Variants in CAV1 observed in about 807,000 individuals in gnomAD.
CAV1 encodes the protein caveolin-1.
CAV1 carries 10 observed loss-of-function variants against 16.5 expected under a neutral mutation model. That is an observed-to-expected ratio of 0.61 (90% CI 0.37 to 1.03). CAV1 has a LOEUF of 1.03. Ranked by LOEUF, CAV1 falls within the 50% of genes least tolerant of loss-of-function variation. The pLI is 0.01. For missense variants in CAV1, 212 were observed against 232.8 expected (o/e 0.91, Z 0.58); for synonymous variants, 76 against 85.1 (o/e 0.89, Z 0.59).
At chr7:116,528,687 T>A (rs1201506503) in intron 2 of CAV1, among the ~76,000 whole-genome samples, 1 of 152,180 alleles carries the variant, frequency 6.6e-6, no homozygotes, top group Non-Finnish European at 1.5e-5. Flanking sequence ...TCCTATTTTA[T>A]AAATATGTAT....
chr7:116,526,882 T>G, intron 2 of CAV1, 193 bp downstream of exon 2: 1 of 629,374 alleles, frequency 1.6e-6, no homozygotes, highest in Non-Finnish European at 2.9e-6. Context: ...TACATCTCCC[T>G]TCCCCCATCT....
rs748743147 is a variant in CAV1, at chr7:116,525,047, C to T, written c.-16C>T. 6.2e-7 allele frequency: 1 copy of T among 1,614,194 alleles called. No homozygotes were observed. The highest frequency in any genetic ancestry group is 8.5e-7 in the Non-Finnish European group (1 of 1,180,002). On this transcript the variant is annotated 5_prime_UTR_variant, in exon 1 of 3. Coordinates refer to ENST00000341049, the MANE Select transcript of CAV1 (RefSeq NM_001753.5). ...AGGGAAACCTCCTCACAGTTTTCAT[C>T]CAGCCACGGGCCAGCATGTCTGGGG...
At chr7:116,553,271 T>G (rs1794199554) in intron 2 of CAV1, among the ~76,000 whole-genome samples, 2 of 152,088 alleles carry the variant, frequency 1.3e-5, no homozygotes, top group African/African-American at 4.8e-5. Context: ...ATTTACTACA[T>G]CAGCCAAGTA....
At position 116,535,995 on chromosome 7, in the gene CAV1, TCTC is replaced by T. The variant is rs1362847461; in HGVS notation, c.195+9309_195+9311del. ...AAAAGCTGCATTCAGTGTATAAACT[TCTC>T]CTGATCCCAGCAAGGATGTTGTGAT... On this transcript the variant is annotated intron_variant, in intron 2 of 2. Coordinates refer to ENST00000341049, the MANE Select transcript of CAV1 (RefSeq NM_001753.5). Among the ~76,000 whole-genome samples the T allele has an allele frequency of 4.6e-5, 7 of 152,164 alleles. No individual in the cohort carries two copies. In the South Asian group the frequency reaches 1.5e-3, roughly 32 times the overall value.
chr7:116,528,509 C>T (rs1345384860), intron 2 of CAV1, among the ~76,000 whole-genome samples: 1 of 152,178 alleles, frequency 6.6e-6, no homozygotes, highest in Admixed American at 6.5e-5. Context: ...ACAAGACAGT[C>T]AAACCAAAAA....
chr7:116,525,398 A>T, intron 1 of CAV1: 3 of 1,492,186 alleles, frequency 2.0e-6, no homozygotes, highest in Middle Eastern at 3.5e-4. Context: ...GGATGGGTCT[A>T]GGATGCTCCC....
chr7:116,541,458 A>C (rs1470798346), intron 2 of CAV1, among the ~76,000 whole-genome samples: 2 of 152,308 alleles, frequency 1.3e-5, no homozygotes, highest in African/African-American at 2.4e-5. Flanking sequence ...TATTTAAAAA[A>C]GTGTTAGGTA....
intron 2 of CAV1, among the ~76,000 whole-genome samples, chr7:116,527,400 T>G (rs1168567793): frequency 6.6e-6 from 1 of 152,236 alleles, no homozygotes; most frequent in Non-Finnish European, 1.5e-5. Context: ...AGTAGCTACC[T>G]GGGTCAGCCT....
At chr7:116,555,497 A>G (rs1360629629) in intron 2 of CAV1, among the ~76,000 whole-genome samples, 13,208 of 22,056 alleles carry the variant, frequency 0.6, 5,217 homozygotes, top group East Asian at 0.8. Flanking sequence ...AGAAAGAAAG[A>G]AAGAAAGAAA....
chr7:116,542,534 A>C (rs1793961953), intron 2 of CAV1, among the ~76,000 whole-genome samples: 1 of 152,214 alleles, frequency 6.6e-6, no homozygotes, highest in Admixed American at 6.5e-5. Flanking sequence ...CTTAAAGGCC[A>C]CAGTGGGGTA....
At chr7:116,541,264 G>A (rs1312961724) in intron 2 of CAV1, among the ~76,000 whole-genome samples, 1 of 152,072 alleles carries the variant, frequency 6.6e-6, no homozygotes, top group East Asian at 1.9e-4. Context: ...AGGAAACCCA[G>A]GGTAAGGCTG....
intron 2 of CAV1, among the ~76,000 whole-genome samples, chr7:116,532,096 A>G (rs886971587): frequency 6.6e-6 from 1 of 152,192 alleles, no homozygotes; most frequent in African/African-American, 2.4e-5. Context: ...ATTTCATATT[A>G]TTTATTAAAA....
chr7:116,535,849 C>T (rs1793801303), intron 2 of CAV1, among the ~76,000 whole-genome samples: 1 of 152,108 alleles, frequency 6.6e-6, no homozygotes, highest in South Asian at 2.1e-4. Flanking sequence ...TCCCTTTAAC[C>T]ATCATTAGTT....
rs748089172 is a variant in CAV1, at chr7:116,526,651, A to C, written c.157A>C (p.Asn53His). Residue 53 changes from asparagine (N) to histidine (H), a missense_variant, in exon 2 of 3, where the codon AAC becomes CAC. By Grantham distance (68) the Asn-to-His change is moderately conservative. Transcript: ENST00000341049. ...GCACACCAAGGAGATCGACCTGGTC[A>C]ACCGCGACCCTAAACACCTCAACGA... ...DAHTKEIDLV[N>H]RDPKHLNDDV... The C allele has an allele frequency of 1.2e-6, 2 of 1,614,060 alleles. No homozygotes were observed.
intron 2 of CAV1, among the ~76,000 whole-genome samples, chr7:116,530,208 C>CTTTTTTTTTTTT (rs3030806): frequency 0.04 from 4,940 of 124,554 alleles, 444 homozygotes; most frequent in African/African-American, 0.15. Flanking sequence ...GTCCTTTTTC[C>CTTTTTTTTTTTT]TTTTTTTTTT....
intron 1 of CAV1, chr7:116,525,404 C>T: frequency 6.8e-7 from 1 of 1,480,204 alleles, no homozygotes; most frequent in Non-Finnish European, 9.0e-7. Flanking sequence ...GTCTAGGATG[C>T]TCCCTTGTCG....
intron 2 of CAV1, among the ~76,000 whole-genome samples, chr7:116,552,802 C>T (rs1433070135): frequency 6.6e-6 from 1 of 152,144 alleles, no homozygotes; most frequent in East Asian, 1.9e-4. Flanking sequence ...AGTCACATGC[C>T]TGCCTTAAAC....
At chr7:116,544,639 G>A (rs1208568953) in intron 2 of CAV1, among the ~76,000 whole-genome samples, 1 of 152,190 alleles carries the variant, frequency 6.6e-6, no homozygotes, top group Non-Finnish European at 1.5e-5. Context: ...TGCTGAAGGA[G>A]TGCTCCAGGC....
chr7:116,526,791 G>T, intron 2 of CAV1, 102 bp downstream of exon 2: 1 of 1,306,648 alleles, frequency 7.7e-7, no homozygotes, highest in Non-Finnish European at 1.1e-6. Flanking sequence ...ACCCCACCCC[G>T]CCCCCTACAC....
Sources: allele counts gnomAD v4.1 joint callset (sites outside exome capture counted in the v4.1 genomes callset), GRCh38; gene constraint gnomAD v4.1.1; transcripts MANE v1.5; gene names NCBI Gene and HGNC (gene_info 2026-07-23, HGNC 2026-07-21).